SET: variants seen among roughly 807,000 people sequenced by gnomAD.
SET encodes SET nuclear proto-oncogene.
SET carries 4 observed loss-of-function variants against 39.0 expected under a neutral mutation model. The observed-to-expected ratio is 0.10, with a 90% CI of 0.05 to 0.23. The LOEUF is 0.23. Ranked by LOEUF, SET falls within the 10% of genes least tolerant of loss-of-function variation. The probability of loss-of-function intolerance (pLI) is 1.00; values close to 1 mark genes in which losing one functional copy is unlikely to be tolerated. For synonymous variants in SET, 114 were observed against 115.9 expected (o/e 0.98, Z 0.11); for missense variants, 137 against 329.7 (o/e 0.42, Z 4.53).
chr9:128,685,887 C>T (rs567372906), upstream of SET, among the ~76,000 whole-genome samples: 13 of 152,232 alleles, frequency 8.5e-5, no homozygotes, highest in East Asian at 7.7e-4. Flanking sequence ...GTTAGCCAGG[C>T]GTGACGATGC....
At chr9:128,687,251 C>T (rs944721917), upstream of SET, among the ~76,000 whole-genome samples, 2 of 151,742 alleles carry the variant, frequency 1.3e-5, no homozygotes, top group Admixed American at 6.6e-5. Flanking sequence ...CCCAGATACT[C>T]GGGAGGCTAA....
exon 1 of SET, chr9:128,683,903 C>G (rs1287905948): frequency 6.4e-7 from 1 of 1,552,082 alleles, no homozygotes; most frequent in East Asian, 2.4e-5. Flanking sequence ...AGCATGGCCC[C>G]TAAACGCCAG....
chr9:128,692,415 A>AAC, intron 3 of SET: 1 of 259,940 alleles, frequency 3.8e-6, no homozygotes, highest in Middle Eastern at 1.4e-3. Context: ...AAAAAAAAAA[A>AAC]AAAAAAACCT....
At chr9:128,687,463 C>T (rs2132238262), upstream of SET, among the ~76,000 whole-genome samples, 1 of 152,138 alleles carries the variant, frequency 6.6e-6, no homozygotes, top group African/African-American at 2.4e-5. Context: ...CAAAAATTAG[C>T]AGGGCGTGGT....
intron 1 of SET, chr9:128,690,489 C>T (rs1313435400): frequency 6.5e-6 from 1 of 153,240 alleles, no homozygotes; most frequent in Admixed American, 6.5e-5. Context: ...AGCACACCCC[C>T]TTTTCTTCCT....
intron 7 of SET, 70 bp downstream of exon 7, chr9:128,694,112 A>ATG: frequency 1.5e-6 from 2 of 1,321,000 alleles, no homozygotes; most frequent in Non-Finnish European, 2.0e-6. Context: ...GGGTGTATAT[A>ATG]TATATATATA....
chr9:128,685,273 C>T (rs897572123), upstream of SET: 61 of 1,362,630 alleles, frequency 4.5e-5, no homozygotes, highest in Non-Finnish European at 5.8e-5. Context: ...ATCCACAGTA[C>T]TGATCTCCAG....
At position 128,691,861 on chromosome 9, in the gene SET, T is replaced by C. The variant is rs1406514103; in HGVS notation, c.135T>C (p.Leu45=). Residue 45 remains leucine (L), a synonymous_variant, in exon 3 of 8, where the codon CTT becomes CTC. Transcript: ENST00000322030. ...CATCTCTTTTCATTTGCTTCAGACT[T>C]AATGAACAAGCCAGTGAGGAGATTT... ...IDEVQNEIDR[L]NEQASEEILK... 1.2e-6 allele frequency: 2 copies of C among 1,611,158 alleles called. No individual in the cohort carries two copies. The highest frequency in any genetic ancestry group is 1.7e-6 in the Non-Finnish European group (2 of 1,178,730).
upstream of SET, among the ~76,000 whole-genome samples, chr9:128,688,666 C>A (rs1861371728): frequency 6.6e-6 from 1 of 152,214 alleles, no homozygotes; most frequent in Non-Finnish European, 1.5e-5. Flanking sequence ...CTGGGCAGGG[C>A]TTGGACTAAA....
chr9:128,692,653 C>T lies in SET; in HGVS notation c.275-9C>T. Reference sequence around the variant, plus strand: ...GAAAATTCAGCTGACCTGTAATTTTCTGGCCTAGTGTCTGCACTGCTTGGG... The same window carrying T: ...GAAAATTCAGCTGACCTGTAATTTTTTGGCCTAGTGTCTGCACTGCTTGGG... On this transcript the variant is annotated splice_polypyrimidine_tract_variant and intron_variant, in intron 3 of 7. Coordinates refer to ENST00000322030, the MANE Select transcript of SET (RefSeq NM_003011.4). The T allele has an allele frequency of 1.3e-6, 2 of 1,581,958 alleles. No individual in the cohort carries two copies. Among genetic ancestry groups the T allele is most frequent in the South Asian group, 2.2e-5 (2 of 89,978 alleles).
chr9:128,694,059 C>T lies in SET; in HGVS notation c.810+17C>T, dbSNP rs771477951. On this transcript the variant is annotated intron_variant, in intron 7 of 7. Transcript: ENST00000322030. ...GAAGGAGAGGTAAAAGAAAATTTGG[C>T]TAAACCCACAAAGATAACTTTTAAA... is the stretch of plus-strand genomic sequence containing the variant. The T allele has an allele frequency of 4.0e-6, 6 of 1,495,742 alleles. No individual in the cohort carries two copies. The highest frequency in any genetic ancestry group is 5.4e-6 in the Non-Finnish European group (6 of 1,109,252). The allele number at this position is 1,495,742 out of a possible 1,614,324, so 92.7% of individuals were successfully genotyped here.
Position 128,695,406 on chromosome 9 carries a change from T to C in SET, c.*742T>C, listed in dbSNP as rs1248065263. Reference sequence around the variant, plus strand: ...CTTATTTGGAATTGACATTCTCTATTGTAATTTTGTTCCTGTTTATTTTTA... The same window carrying C: ...CTTATTTGGAATTGACATTCTCTATCGTAATTTTGTTCCTGTTTATTTTTA... On this transcript the variant is annotated 3_prime_UTR_variant, in exon 8 of 8. Coordinates refer to ENST00000322030, the MANE Select transcript of SET (RefSeq NM_003011.4). 4.5e-6 allele frequency: 1 copy of C among 223,154 alleles called. No individual in the cohort carries two copies. Among genetic ancestry groups the C allele is most frequent in the Non-Finnish European group, 9.2e-6 (1 of 108,740 alleles). The allele number at this position is 223,154 out of a possible 1,614,324, so 13.8% of individuals were successfully genotyped here.
chr9:128,693,501 T>C, intron 5 of SET, 137 bp from the exon 6 acceptor site: 1 of 911,608 alleles, frequency 1.1e-6, no homozygotes, highest in Non-Finnish European at 1.6e-6. Flanking sequence ...TAATTGCTCT[T>C]AGGTAATAAT....
chr9:128,694,602 C>T, intron 7 of SET, 39 bp from the exon 8 acceptor site: 1 of 1,488,054 alleles, frequency 6.7e-7, no homozygotes, highest in South Asian at 1.2e-5. Flanking sequence ...CAAGTCTCAG[C>T]ATTAATCCTG....
upstream of SET, chr9:128,685,065 G>C: frequency 6.6e-7 from 1 of 1,523,192 alleles, no homozygotes; most frequent in Non-Finnish European, 8.8e-7. Flanking sequence ...ATTGGCTGAG[G>C]GCAGGCAACT....
rs1232029664 is a variant in SET at position 128,695,417 on chromosome 9, TC to T, written c.*755del. 1 of 222,782 alleles carries T rather than the reference TC, an allele frequency of 4.5e-6. No homozygotes were observed. The highest frequency in any genetic ancestry group is 9.2e-6 in the Non-Finnish European group (1 of 108,740). 13.8% of individuals were successfully genotyped at this position (222,782 alleles called of 1,614,324 possible). A position where few individuals can be genotyped will look rare whatever the true frequency, so the allele number is the denominator to read the frequency against. ...TTGACATTCTCTATTGTAATTTTGT[TC>T]CTGTTTATTTTTAAATTTTCTTTTT... is the stretch of plus-strand genomic sequence containing the variant. On this transcript the variant is annotated 3_prime_UTR_variant, in exon 8 of 8. Transcript: ENST00000322030.
At chr9:128,690,859 C>T (rs367788026) in intron 1 of SET, 8 of 358,436 alleles carry the variant, frequency 2.2e-5, no homozygotes, top group African/African-American at 6.3e-5. Flanking sequence ...AACGTGAAGA[C>T]TTCTGAATAA....
rs1272789267 is a variant in SET at position 128,695,541 on chromosome 9, A to C, written c.*877A>C. The C allele has an allele frequency of 4.5e-6, 1 of 223,816 alleles. No individual in the cohort carries two copies. The highest frequency in any genetic ancestry group is 9.0e-6 in the Non-Finnish European group (1 of 110,846). The allele number at this position is 223,816 out of a possible 1,614,324, so 13.9% of individuals were successfully genotyped here. A position where few individuals can be genotyped will look rare whatever the true frequency, so the allele number is the denominator to read the frequency against. On this transcript the variant is annotated 3_prime_UTR_variant, in exon 8 of 8. Transcript: ENST00000322030. ...ACTAAATGTGTACACAAAGGATTTG[A>C]TGCTTTTCTCTCAGCATAGGTATGC...
At chr9:128,694,449 C>T (rs1311921887) in intron 7 of SET, among the ~76,000 whole-genome samples, 192 bp from the exon 8 acceptor site, 1 of 152,124 alleles carries the variant, frequency 6.6e-6, no homozygotes, top group East Asian at 1.9e-4. Flanking sequence ...CCGAAATATA[C>T]CTGATTTGGT....
Sources: gnomAD v4.1 joint callset for allele counts (sites outside exome capture counted in the v4.1 genomes callset) on GRCh38, gnomAD v4.1.1 for gene constraint, MANE v1.5 for transcripts, NCBI Gene and HGNC (gene_info 2026-07-23, HGNC 2026-07-21) for gene names.